HIVEP1: variants seen among roughly 807,000 people sequenced by gnomAD.
HIVEP1 encodes HIVEP zinc finger 1, also known as zinc finger protein 40.
In HIVEP1, 36 loss-of-function variants were observed where a neutral mutation model predicts 180.0. The ratio of observed to expected loss-of-function variants is 0.20; its 90% CI spans 0.15 to 0.26. HIVEP1 has a LOEUF of 0.26. HIVEP1 is among the 10% of genes least tolerant of loss of function. The pLI is 1.00. For missense variants in HIVEP1, 3,143 were observed against 3,268.7 expected, an observed-to-expected ratio of 0.96 and a Z score of 0.94; for synonymous variants, 1,239 against 1,239.0, an observed-to-expected ratio of 1.00 and a Z score of 0.00.
chr6:12,167,982 CATGTATAT>C (rs1165456063), downstream of HIVEP1, among the ~76,000 whole-genome samples: 18 of 104,766 alleles, frequency 1.7e-4, 1 homozygote, highest in Non-Finnish European at 3.2e-4. Flanking sequence ...TATACATGTA[CATGTATAT>C]ATGTATATAT....
chr6:12,080,754 A>G (rs1356038504), intron 2 of HIVEP1, among the ~76,000 whole-genome samples: 1 of 152,198 alleles, frequency 6.6e-6, no homozygotes, highest in Non-Finnish European at 1.5e-5. Flanking sequence ...GCAGACCATA[A>G]AAGTGTAGCA....
Position 12,120,006 on chromosome 6 carries a change from C to G in HIVEP1, c.211C>G (p.Leu71Val). 6.2e-7 allele frequency: 1 copy of G among 1,613,172 alleles called. No individual in the cohort carries two copies. Among genetic ancestry groups the G allele is most frequent in the Non-Finnish European group, 8.5e-7 (1 of 1,179,796 alleles). Residue 71 changes from leucine to valine, a missense_variant, in exon 4 of 9, where the codon CTT becomes GTT. By Grantham distance (32) the Leu-to-Val change is conservative. Transcript: ENST00000379388. Reference sequence around the variant, plus strand: ...ACCAAAATCCCCACTGAGAAATCCTCTTCAGGCAAAACATAAACAAAATAC... The same window carrying G: ...ACCAAAATCCCCACTGAGAAATCCTGTTCAGGCAAAACATAAACAAAATAC... ...KIPKSPLRNPLQAKHKQNTEE... is the reference protein window; with the variant it reads ...KIPKSPLRNPVQAKHKQNTEE...
chr6:12,110,118 A>G (rs1316665447), intron 3 of HIVEP1, among the ~76,000 whole-genome samples: 1 of 152,254 alleles, frequency 6.6e-6, no homozygotes. Context: ...TCAGTAAACC[A>G]TGCTATAAAC....
intron 2 of HIVEP1, among the ~76,000 whole-genome samples, chr6:12,057,057 G>T (rs1055892780): frequency 6.6e-6 from 1 of 151,872 alleles, no homozygotes; most frequent in African/African-American, 2.4e-5. Context: ...CCTAGTCTGG[G>T]TATGGAATTT....
rs1415545068 is a variant in HIVEP1 at position 12,015,650 on chromosome 6, C to A, written c.22C>A (p.His8Asn). 6.2e-7 allele frequency: 1 copy of A among 1,613,496 alleles called. No homozygotes were observed. The highest frequency in any genetic ancestry group is 1.3e-5 in the African/African-American group (1 of 74,904). The change falls in exon 2 of 9, where the codon CAT (histidine) becomes AAT (asparagine). Residue 8 changes from histidine to asparagine, a missense_variant. His to Asn is a moderately conservative substitution (Grantham distance 68, BLOSUM62 1). Coordinates refer to ENST00000379388, the MANE Select transcript of HIVEP1 (RefSeq NM_002114.4). ...GAAGATGCCTCGAACTAAACAAATT[C>A]ATCCCAGAAATCTAAGAGGTAAAGC... is the stretch of plus-strand genomic sequence containing the variant. Reference protein sequence around the residue: MPRTKQIHPRNLRDKIEE... With the variant: MPRTKQINPRNLRDKIEE...
intron 3 of HIVEP1, among the ~76,000 whole-genome samples, chr6:12,099,373 A>G (rs1320194594): frequency 6.6e-6 from 1 of 151,786 alleles, no homozygotes; most frequent in East Asian, 1.9e-4. Context: ...TCACCGTTTT[A>G]GCCGGGATGG....
chr6:12,043,663 A>G, intron 2 of HIVEP1, among the ~76,000 whole-genome samples: 1 of 152,068 alleles, frequency 6.6e-6, no homozygotes, highest in African/African-American at 2.4e-5. Flanking sequence ...CACCGTGCCC[A>G]GCCGTGTAAT....
At chr6:12,031,394 T>C (rs972284190) in intron 2 of HIVEP1, among the ~76,000 whole-genome samples, 1 of 152,222 alleles carries the variant, frequency 6.6e-6, no homozygotes, top group Admixed American at 6.5e-5. Context: ...ACACTGTAAG[T>C]GGCTCACCTA....
chr6:12,032,760 C>T (rs1445746673), intron 2 of HIVEP1, among the ~76,000 whole-genome samples: 1 of 152,164 alleles, frequency 6.6e-6, no homozygotes, highest in Non-Finnish European at 1.5e-5. Context: ...GCAACTTTTT[C>T]TTCACCAGAT....
intron 2 of HIVEP1, among the ~76,000 whole-genome samples, chr6:12,058,905 T>C (rs1310377984): frequency 2.0e-5 from 3 of 152,152 alleles, no homozygotes; most frequent in Non-Finnish European, 4.4e-5. Context: ...AGTTAACAGC[T>C]GCTTTATGTG....
chr6:12,078,634 T>TACACAC (rs3070536), intron 2 of HIVEP1, among the ~76,000 whole-genome samples: 1 of 146,908 alleles, frequency 6.8e-6, no homozygotes, highest in African/African-American at 2.5e-5. Flanking sequence ...TACATATATA[T>TACACAC]ACACACACAC....
In HIVEP1 at chr6:12,121,379, A is replaced by C. The variant is rs1411124886; in HGVS notation, c.1584A>C (p.Leu528Phe). The C allele has an allele frequency of 1.2e-6, 2 of 1,614,174 alleles. No individual in the cohort carries two copies. The highest frequency in any genetic ancestry group is 1.7e-6 in the Non-Finnish European group (2 of 1,180,036). Residue 528 changes from leucine to phenylalanine, a missense_variant, in exon 4 of 9, where the codon TTA becomes TTC. This residue lies in a region of HIVEP1 where 365 missense variants were observed against 344.4 expected (regional missense o/e 1.06). Coordinates refer to ENST00000379388, the MANE Select transcript of HIVEP1 (RefSeq NM_002114.4). This position sits in a 1 kb window ranked among gnomAD's most constrained non-coding sequence, Gnocchi z 5.3. ...IIKRMSNAET[L>F]LKSSFTPSSP... ...AGAGGATGTCAAATGCTGAAACTTTACTAAAATCAAGCTTCACTCCAAGCA... is the reference window on the plus strand; with the variant it reads ...AGAGGATGTCAAATGCTGAAACTTTCCTAAAATCAAGCTTCACTCCAAGCA...
intron 2 of HIVEP1, among the ~76,000 whole-genome samples, chr6:12,045,833 C>T (rs559155405): frequency 2.0e-5 from 3 of 152,144 alleles, no homozygotes; most frequent in Non-Finnish European, 2.9e-5. Context: ...GTGGTGAATA[C>T]GTGCCTAATA....
Position 12,054,444 on chromosome 6 carries a change from A to G in HIVEP1, c.41-34740A>G, listed in dbSNP as rs535280385. ...TATGGATATATATGCATATACCTAC[A>G]TATGTATCTAGACTATATATACATG... On this transcript the variant is annotated intron_variant, in intron 2 of 8. Coordinates refer to ENST00000379388, the MANE Select transcript of HIVEP1 (RefSeq NM_002114.4). Among the ~76,000 whole-genome samples, 7 of 152,220 alleles carry G rather than the reference A, an allele frequency of 4.6e-5. No individual in the cohort carries two copies. In the South Asian group the frequency reaches 1.0e-3, roughly 23 times the overall value.
intron 3 of HIVEP1, among the ~76,000 whole-genome samples, chr6:12,117,051 C>T (rs908130889): frequency 2.0e-5 from 3 of 151,962 alleles, no homozygotes; most frequent in Admixed American, 6.6e-5. Flanking sequence ...ATTCAGTTGT[C>T]AACATAAGAG....
In HIVEP1 at chr6:12,164,351, C is replaced by G; in HGVS notation, c.8047C>G (p.Pro2683Ala). The G allele has an allele frequency of 6.2e-7, 1 of 1,614,100 alleles. No homozygotes were observed. The highest frequency in any genetic ancestry group is 8.5e-7 in the Non-Finnish European group (1 of 1,180,014). Residue 2683 changes from proline to alanine, a missense_variant, in exon 9 of 9, where the codon CCA becomes GCA. Around this residue, in one of 12 missense-constraint regions of HIVEP1, gnomAD observed 595 missense variants for 602.2 expected, o/e 0.99. Coordinates refer to ENST00000379388, the MANE Select transcript of HIVEP1 (RefSeq NM_002114.4). The stretch of plus-strand genomic sequence containing the variant: ...GCCCTCAGGCCAGCAGACTCTCTCT[C>G]CAGACAGACAGGTTCCCAGGCCCAC... ...TKPSGQQTLS[P>A]DRQVPRPTAL...
the HIVEP1 span, among the ~76,000 whole-genome samples, chr6:12,188,331 T>A: frequency 6.6e-6 from 1 of 152,212 alleles, no homozygotes; most frequent in African/African-American, 2.4e-5. Context: ...ATTTTAGATA[T>A]GTTCCTTGAG....
At chr6:12,169,207 TA>T (rs200237757), downstream of HIVEP1, among the ~76,000 whole-genome samples, 1,765 of 152,264 alleles carry the variant, frequency 0.012, 31 homozygotes, top group African/African-American at 0.04. Flanking sequence ...TTATTTAGGA[TA>T]TTTTCAATTT....
rs542432952 is a variant in HIVEP1 at position 12,119,851 on chromosome 6, A to G, written c.95-39A>G. 7.9e-5 allele frequency: 106 copies of G among 1,336,732 alleles called. No homozygotes were observed. The South Asian group carries it at 1.1e-3, about 13-fold the overall frequency. The allele number at this position is 1,336,732 out of a possible 1,614,324, so 82.8% of individuals were successfully genotyped here. On this transcript the variant is annotated intron_variant, in intron 3 of 8. Transcript: ENST00000379388. Reference sequence around the variant, plus strand: ...AAAAATTATAGTTGGTGTATGTACAATGTTACCAATTGTTTGTTGTTGTTG... The same window carrying G: ...AAAAATTATAGTTGGTGTATGTACAGTGTTACCAATTGTTTGTTGTTGTTG...
Sources: allele counts gnomAD v4.1 joint callset (sites outside exome capture counted in the v4.1 genomes callset), GRCh38; gene constraint gnomAD v4.1.1; regional missense constraint gnomAD v4.1.1; non-coding constraint Gnocchi (gnomAD v3.1); transcripts MANE v1.5; gene names NCBI Gene and HGNC (gene_info 2026-07-23, HGNC 2026-07-21).